FGGY: variants seen among roughly 807,000 people sequenced by gnomAD.
The protein encoded by FGGY is FGGY carbohydrate kinase domain-containing protein.
In FGGY, 72 loss-of-function variants were observed where a neutral mutation model predicts 71.3. That is an observed-to-expected ratio of 1.01 (90% confidence interval 0.84 to 1.23). The LOEUF is 1.23. Among genes scored for constraint, FGGY ranks in the 50% most tolerant of loss-of-function variants. The pLI, the probability that FGGY is intolerant of heterozygous loss-of-function variation, is 0.00. For missense variants in FGGY, 668 were observed against 682.3 expected, an observed-to-expected ratio of 0.98 and a Z score of 0.23; for synonymous variants, 251 against 250.3, an observed-to-expected ratio of 1.00 and a Z score of -0.02.
chr1:59,581,235 TTATC>T (rs1267751658), intron 8 of FGGY, among the ~76,000 whole-genome samples: 2 of 149,986 alleles, frequency 1.3e-5, no homozygotes, highest in Non-Finnish European at 2.9e-5. Context: ...TTCTCATTAT[TTATC>T]TTTTTATTCT....
intron 6 of FGGY, among the ~76,000 whole-genome samples, chr1:59,484,901 T>C (rs1224924129): frequency 1.3e-5 from 2 of 152,230 alleles, no homozygotes; most frequent in African/African-American, 4.8e-5. Flanking sequence ...AGTGGTTTTA[T>C]TATTTTTCCA....
chr1:59,602,239 C>T (rs1445049260), intron 8 of FGGY, among the ~76,000 whole-genome samples: 1 of 152,196 alleles, frequency 6.6e-6, no homozygotes, highest in Non-Finnish European at 1.5e-5. Context: ...CTTCTATTTA[C>T]TAGCTATTTG....
intron 5 of FGGY, among the ~76,000 whole-genome samples, chr1:59,399,836 A>T (rs1299986927): frequency 1.3e-5 from 2 of 152,172 alleles, no homozygotes; most frequent in African/African-American, 4.8e-5. Flanking sequence ...TCAGGTATTG[A>T]TGTGTGTATG....
chr1:59,463,428 C>T (rs1211532124), intron 6 of FGGY, among the ~76,000 whole-genome samples: 2 of 152,122 alleles, frequency 1.3e-5, no homozygotes, highest in Non-Finnish European at 2.9e-5. Flanking sequence ...TAAAGACCAT[C>T]GATGCTAGGA....
chr1:59,474,449 G>C (rs2093159559), intron 6 of FGGY, among the ~76,000 whole-genome samples: 1 of 152,206 alleles, frequency 6.6e-6, no homozygotes. Context: ...TTTAATGACA[G>C]AAATGAGACC....
In FGGY at chr1:59,728,551, C is replaced by CTTTTTTTCAACA. The variant is rs2097979456; in HGVS notation, c.1513-29373_1513-29362dup. On this transcript the variant is annotated intron_variant, in intron 14 of 15. Coordinates refer to ENST00000303721, the MANE Select transcript of FGGY (RefSeq NM_018291.5). ...TATCATTTTCCTTCTCTCTGAATAA[C>CTTTTTTTCAACA]TTTTTTTCAACATTTTTTATAATGT... Among the ~76,000 whole-genome samples the CTTTTTTTCAACA allele has an allele frequency of 6.6e-5, 10 of 151,960 alleles. No homozygotes were observed. The South Asian group carries it at 2.1e-3, about 32-fold the overall frequency.
At chr1:59,434,194 G>A (rs1418248463) in intron 5 of FGGY, among the ~76,000 whole-genome samples, 1 of 152,204 alleles carries the variant, frequency 6.6e-6, no homozygotes, top group African/African-American at 2.4e-5. Context: ...GCACCAAATT[G>A]TAAGTTCAGT....
intron 9 of FGGY, among the ~76,000 whole-genome samples, chr1:59,612,404 T>G (rs1388876524): frequency 6.6e-6 from 1 of 152,136 alleles, no homozygotes; most frequent in East Asian, 1.9e-4. Flanking sequence ...CTAAGCTTCA[T>G]AAGTGAAGGA....
intron 4 of FGGY, among the ~76,000 whole-genome samples, chr1:59,364,028 A>G (rs1189448667): frequency 1.3e-5 from 2 of 152,214 alleles, no homozygotes; most frequent in Non-Finnish European, 2.9e-5. Context: ...GAAACAGTAA[A>G]GTACGCCTGT....
chr1:59,363,621 T>C (rs1241076737), intron 4 of FGGY, among the ~76,000 whole-genome samples: 1 of 152,170 alleles, frequency 6.6e-6, no homozygotes, highest in Non-Finnish European at 1.5e-5. Context: ...AGTGAGGCCC[T>C]CTACATAGAG....
intron 7 of FGGY, among the ~76,000 whole-genome samples, chr1:59,538,911 C>T (rs560176052): frequency 6.6e-5 from 10 of 151,550 alleles, no homozygotes; most frequent in Non-Finnish European, 8.8e-5. Context: ...GGAGTTAGTA[C>T]GTGCAGCGCA....
At chr1:59,364,257 A>G (rs1239764211) in intron 4 of FGGY, among the ~76,000 whole-genome samples, 1 of 152,202 alleles carries the variant, frequency 6.6e-6, no homozygotes, top group Non-Finnish European at 1.5e-5. Context: ...AGTCCAAGCC[A>G]GGAAGTGAAT....
chr1:59,370,962 G>A (rs1313578249), intron 4 of FGGY, among the ~76,000 whole-genome samples: 1 of 151,884 alleles, frequency 6.6e-6, no homozygotes, highest in East Asian at 1.9e-4. Flanking sequence ...ATGGCAAAAT[G>A]TAAAGACCAT....
intron 8 of FGGY, among the ~76,000 whole-genome samples, chr1:59,580,738 G>T (rs780574652): frequency 3.9e-5 from 6 of 152,000 alleles, no homozygotes; most frequent in African/African-American, 1.5e-4. Flanking sequence ...CTATTCTACC[G>T]CATGTATTTT....
intron 11 of FGGY, among the ~76,000 whole-genome samples, chr1:59,643,817 C>T (rs192879745): frequency 6.6e-6 from 1 of 152,244 alleles, no homozygotes; most frequent in Admixed American, 6.5e-5. Flanking sequence ...AAGCTGGCAC[C>T]AAATAATTGC....
chr1:59,559,363 C>G (rs1355373055), intron 8 of FGGY, among the ~76,000 whole-genome samples: 1 of 152,202 alleles, frequency 6.6e-6, no homozygotes, highest in East Asian at 1.9e-4. Flanking sequence ...TGTTCCTCTG[C>G]TGCAGCTCCA....
At chr1:59,466,305 T>G (rs563427604) in intron 6 of FGGY, among the ~76,000 whole-genome samples, 191 of 152,284 alleles carry the variant, frequency 1.3e-3, no homozygotes, top group African/African-American at 4.1e-3. Flanking sequence ...TAGCCATATG[T>G]AGAAAGCTGA....
intron 7 of FGGY, among the ~76,000 whole-genome samples, chr1:59,534,625 C>T (rs914765350): frequency 9.9e-5 from 15 of 152,168 alleles, no homozygotes; most frequent in East Asian, 3.9e-4. Context: ...AGACTAACAG[C>T]GGATCTCTTG....
chr1:59,419,299 A>AT (rs2065018623), intron 5 of FGGY, among the ~76,000 whole-genome samples: 1 of 152,132 alleles, frequency 6.6e-6, no homozygotes, highest in African/African-American at 2.4e-5. Context: ...AGAGGTAAAA[A>AT]AATACCAGTT....
Sources: gnomAD v4.1 joint callset for allele counts (sites outside exome capture counted in the v4.1 genomes callset) on GRCh38, gnomAD v4.1.1 for gene constraint, MANE v1.5 for transcripts, NCBI Gene and HGNC (gene_info 2026-07-23, HGNC 2026-07-21) for gene names.